Variants in CACNA1A observed in about 807,000 individuals in gnomAD.
CACNA1A encodes calcium voltage-gated channel subunit alpha1 A.
In CACNA1A, 57 loss-of-function variants were observed where a neutral mutation model predicts 262.4. That is an observed-to-expected ratio of 0.22 (90% CI 0.18 to 0.27). The LOEUF (loss-of-function observed/expected upper bound fraction) is 0.27. Ranked by LOEUF, CACNA1A falls within the 10% of genes least tolerant of loss-of-function variation. The pLI, the probability that CACNA1A is intolerant of heterozygous loss-of-function variation, is 1.00. For missense variants in CACNA1A, 2,526 were observed against 3,562.8 expected (o/e 0.71, Z 7.41); for synonymous variants, 1,431 against 1,419.3 (o/e 1.01, Z -0.18).
intron 3 of CACNA1A, among the ~76,000 whole-genome samples, chr19:13,421,796 G>A (rs2060320693): frequency 1.3e-5 from 2 of 152,118 alleles, no homozygotes; most frequent in Admixed American, 6.6e-5. Context: ...AAGCCACCCA[G>A]TTTAAGGTAT....
intron 37 of CACNA1A, 95 bp downstream of exon 37, chr19:13,227,336 G>A (rs1437583954): frequency 7.3e-6 from 4 of 544,238 alleles, no homozygotes; most frequent in East Asian, 6.3e-5. Flanking sequence ...AAAGAGAGTC[G>A]GCCGGGTGTT....
intron 38 of CACNA1A, among the ~76,000 whole-genome samples, chr19:13,222,835 C>T (rs2055285437): frequency 6.6e-6 from 1 of 151,388 alleles, no homozygotes; most frequent in South Asian, 2.1e-4. Flanking sequence ...GCTGGGGTTA[C>T]AGGCGCCCAC....
chr19:13,466,045 A>AG (rs1353678090), intron 1 of CACNA1A, among the ~76,000 whole-genome samples: 2 of 152,074 alleles, frequency 1.3e-5, no homozygotes, highest in Non-Finnish European at 2.9e-5. Flanking sequence ...AATGGGTACA[A>AG]GGTCTCCTTT....
intron 6 of CACNA1A, among the ~76,000 whole-genome samples, chr19:13,349,411 GC>G (rs1324891484): frequency 6.6e-6 from 1 of 152,128 alleles, no homozygotes; most frequent in Non-Finnish European, 1.5e-5. Flanking sequence ...ATTTGCCTTG[GC>G]CCAGCTGGCA....
At chr19:13,285,952 ATTTTTTTTT>A (rs74181819) in intron 20 of CACNA1A, among the ~76,000 whole-genome samples, 1 of 95,808 alleles carries the variant, frequency 1.0e-5, no homozygotes, top group Non-Finnish European at 2.0e-5. Flanking sequence ...GCAGTTCACC[ATTTTTTTTT>A]TTTTTTTTTT....
Position 13,209,003 on chromosome 19 carries a change from C to T in CACNA1A, c.6533G>A (p.Gly2178Glu), listed in dbSNP as rs1287249111. The change falls in exon 46 of 47, where the codon GGG (glycine) becomes GAG (glutamate). Residue 2178 changes from glycine (G) to glutamate (E), a missense_variant. By Grantham distance (98) the Gly-to-Glu change is moderately conservative (BLOSUM62 -2). Coordinates refer to ENST00000360228, the MANE Select transcript of CACNA1A (RefSeq NM_001127222.2). ...GRYTDVDTGL[G>E]TDLSMTTQSG... The stretch of plus-strand genomic sequence containing the variant: ...TTGGGTGGTCATGCTCAGGTCTGTC[C>T]CCAAGCCTGGGCCGGGTGAGGGTCA... 1.3e-6 allele frequency: 2 copies of T among 1,537,104 alleles called. No individual in the cohort carries two copies. Among genetic ancestry groups the T allele is most frequent in the Admixed American group, 2.0e-5 (1 of 50,990 alleles).
At chr19:13,227,367 AAG>A (rs948402487) in intron 37 of CACNA1A, 62 bp downstream of exon 37, 1,970 of 70,122 alleles carry the variant, frequency 0.028, no homozygotes, top group East Asian at 0.097. Context: ...ACTAAAAAAA[AAG>A]AAGAAGAAGA....
At chr19:13,447,213 C>A (rs2060832384) in intron 3 of CACNA1A, among the ~76,000 whole-genome samples, 1 of 152,190 alleles carries the variant, frequency 6.6e-6, no homozygotes. Context: ...TATACATATA[C>A]ACAATTTTCT....
intron 1 of CACNA1A, among the ~76,000 whole-genome samples, chr19:13,463,397 C>A (rs1419959209): frequency 6.6e-6 from 1 of 152,178 alleles, no homozygotes; most frequent in Non-Finnish European, 1.5e-5. Flanking sequence ...CAGTTCTAAC[C>A]AAAATGAAGC....
chr19:13,365,305 C>T lies in CACNA1A; in HGVS notation c.784+12G>A. On this transcript the variant is annotated intron_variant, in intron 5 of 46. Coordinates refer to ENST00000360228, the MANE Select transcript of CACNA1A (RefSeq NM_001127222.2). ...GAAAACTGGAAAGATGCATCATGCTCCGTGGACCTACCTGTCCCCTCTTCA... is the reference window on the plus strand; with the variant it reads ...GAAAACTGGAAAGATGCATCATGCTTCGTGGACCTACCTGTCCCCTCTTCA... The T allele has an allele frequency of 6.2e-7, 1 of 1,607,620 alleles. No individual in the cohort carries two copies. Among genetic ancestry groups the T allele is most frequent in the Non-Finnish European group, 8.5e-7 (1 of 1,175,418 alleles).
chr19:13,393,818 CT>C (rs1225188269), intron 3 of CACNA1A, among the ~76,000 whole-genome samples: 7 of 69,814 alleles, frequency 1.0e-4, no homozygotes, highest in Non-Finnish European at 1.9e-4. Flanking sequence ...TCCTCTCTCT[CT>C]CTCTCTCTCT....
intron 10 of CACNA1A, among the ~76,000 whole-genome samples, chr19:13,326,631 ATAAAAAACTTAGCTG>A (rs2058368308): frequency 6.6e-6 from 1 of 151,842 alleles, no homozygotes; most frequent in Admixed American, 6.6e-5. Context: ...AGTAAAAAAT[ATAAAAAACTTAGCTG>A]AGTGTAGCAG....
At chr19:13,274,595 C>T (rs17214801) in intron 24 of CACNA1A, 80,595 of 152,172 alleles carry the variant, frequency 0.53, 22,290 homozygotes, top group East Asian at 0.85. Context: ...TTTTTCATCC[C>T]GCTCCAAATG....
chr19:13,467,990 G>GTA (rs900652998), intron 1 of CACNA1A, among the ~76,000 whole-genome samples: 4 of 151,874 alleles, frequency 2.6e-5, no homozygotes, highest in African/African-American at 9.7e-5. Flanking sequence ...GTGTGTGTGT[G>GTA]TATGTACCTT....
chr19:13,306,205 C>T lies in CACNA1A; in HGVS notation c.1986+1577G>A, dbSNP rs368776498. On this transcript the variant is annotated intron_variant, in intron 15 of 46. Transcript: ENST00000360228. ...TGAAGTCACATTTTCTATACACTCT[C>T]AGTCCCTCAAAGAGAAAGAATCCAC... Among the ~76,000 whole-genome samples, 8 of 152,290 alleles carry T rather than the reference C, an allele frequency of 5.3e-5. No individual in the cohort carries two copies. The South Asian group carries it at 1.2e-3, about 24-fold the overall frequency.
intron 31 of CACNA1A, among the ~76,000 whole-genome samples, chr19:13,239,994 T>C (rs890861530): frequency 2.3e-4 from 35 of 151,638 alleles, no homozygotes; most frequent in African/African-American, 8.0e-4. Context: ...CTACTAAAAA[T>C]ACAAGAAGTG....
chr19:13,207,872 TGC>T lies in CACNA1A; in HGVS notation c.6960_6961del (p.Gln2321AlafsTer181), dbSNP rs879255546. On this transcript the variant is annotated frameshift_variant, in exon 47 of 47. Transcript: ENST00000360228. LOFTEE classifies it low-confidence loss of function (END_TRUNC). This position sits in a 1 kb window ranked among gnomAD's most constrained non-coding sequence, Gnocchi z 5.7. Reference sequence around the variant, plus strand: ...CCTGGCCACCGCCTGCTGCTGCTGCTGCTGCTGCTGCTGCTGCTGCTGCTGCG... The same window carrying T: ...CCTGGCCACCGCCTGCTGCTGCTGCTTGCTGCTGCTGCTGCTGCTGCTGCG... 37 of 1,184,298 alleles carry T rather than the reference TGC, an allele frequency of 3.1e-5. No individual in the cohort carries two copies. The highest frequency in any genetic ancestry group is 1.1e-4 in the Admixed American group (4 of 37,240). The allele number at this position is 1,184,298 out of a possible 1,614,324, so 73.4% of individuals were successfully genotyped here.
At chr19:13,217,760 G>C (rs1181542860) in intron 38 of CACNA1A, among the ~76,000 whole-genome samples, 1 of 152,130 alleles carries the variant, frequency 6.6e-6, no homozygotes, top group African/African-American at 2.4e-5. Flanking sequence ...GTGCTAAGCA[G>C]TAAGGACTAG....
Position 13,459,025 on chromosome 19 carries a change from T to C in CACNA1A, c.294-3813A>G, listed in dbSNP as rs2061067397. 2.6e-5 allele frequency among the ~76,000 whole-genome samples: 4 copies of C among 152,156 alleles called. No homozygotes were observed. In the South Asian group the frequency reaches 8.3e-4, roughly 32 times the overall value. On this transcript the variant is annotated intron_variant, in intron 1 of 46. Coordinates refer to ENST00000360228, the MANE Select transcript of CACNA1A (RefSeq NM_001127222.2). ...CATGTTCAACAGTATCCCTGGCCTG[T>C]GTGTGCTAGATGCCAGTAGCAGCCC...
Sources: allele counts gnomAD v4.1 joint callset (sites outside exome capture counted in the v4.1 genomes callset), GRCh38; gene constraint gnomAD v4.1.1; non-coding constraint Gnocchi (gnomAD v3.1); transcripts MANE v1.5; gene names NCBI Gene and HGNC (gene_info 2026-07-23, HGNC 2026-07-21).